The following RIPOR3 variants were observed in gnomAD, a reference collection of about 807,000 sequenced individuals.
RIPOR3 encodes RIPOR family member 3.
Under a neutral mutation model 114.3 loss-of-function variants are expected in RIPOR3, and 95 were observed. The ratio of observed to expected loss-of-function variants is 0.83; its 90% confidence interval spans 0.70 to 0.99. The LOEUF is 0.99. RIPOR3 is among the 50% of genes least tolerant of loss of function. RIPOR3 has a pLI of 0.00. For missense variants in RIPOR3, 1,252 were observed against 1,266.9 expected, an observed-to-expected ratio of 0.99 and a Z score of 0.18; for synonymous variants, 575 against 543.8, an observed-to-expected ratio of 1.06 and a Z score of -0.80.
At chr20:50,612,645 A>C (rs552458253) in intron 4 of RIPOR3, among the ~76,000 whole-genome samples, 1 of 152,362 alleles carries the variant, frequency 6.6e-6, no homozygotes, top group Admixed American at 6.5e-5. Flanking sequence ...AAATATGGAA[A>C]GATCAATAAA....
chr20:50,651,845 G>T lies in RIPOR3; in HGVS notation c.4-20989C>A, dbSNP rs7261508. Among the ~76,000 whole-genome samples, 5 of 152,364 alleles carry T rather than the reference G, an allele frequency of 3.3e-5. No homozygotes were observed. In the East Asian group the frequency reaches 5.8e-4, roughly 18 times the overall value. On this transcript the variant is annotated intron_variant, in intron 1 of 21. Coordinates refer to ENST00000327979, the MANE Select transcript of RIPOR3 (RefSeq NM_001290268.2). The stretch of plus-strand genomic sequence containing the variant: ...TGCACTGCCTACACACCAGAGAAGA[G>T]GGGGAGGAGCCCAGATCTGCTGCTC...
intron 12 of RIPOR3, among the ~76,000 whole-genome samples, chr20:50,603,252 T>C (rs1340601016): frequency 6.6e-6 from 1 of 152,194 alleles, no homozygotes; most frequent in Non-Finnish European, 1.5e-5. Context: ...TTGTTTTGTT[T>C]TGTTTTGAAA....
intron 11 of RIPOR3, among the ~76,000 whole-genome samples, chr20:50,606,863 G>C (rs567182506): frequency 6.6e-6 from 1 of 152,186 alleles, no homozygotes; most frequent in African/African-American, 2.4e-5. Context: ...CCAAGTAGCT[G>C]AAACTATAGG....
At chr20:50,659,097 A>G (rs899988578) in intron 1 of RIPOR3, among the ~76,000 whole-genome samples, 1 of 152,204 alleles carries the variant, frequency 6.6e-6, no homozygotes, top group Non-Finnish European at 1.5e-5. Flanking sequence ...ACGTGGATAC[A>G]TTGTTTTGAA....
intron 4 of RIPOR3, among the ~76,000 whole-genome samples, chr20:50,615,170 G>A (rs1345339925): frequency 1.4e-5 from 2 of 142,824 alleles, no homozygotes; most frequent in Non-Finnish European, 3.0e-5. Context: ...TCTGCTAAGG[G>A]AGAGGCAAAA....
chr20:50,691,241 C>T lies in RIPOR3; in HGVS notation c.-113G>A. 3 of 1,257,490 alleles carry T rather than the reference C, an allele frequency of 2.4e-6. No individual in the cohort carries two copies. Among genetic ancestry groups the T allele is most frequent in the Non-Finnish European group, 3.1e-6 (3 of 961,676 alleles). The allele number at this position is 1,257,490 out of a possible 1,614,324, so 77.9% of individuals were successfully genotyped here. A position where few individuals can be genotyped will look rare whatever the true frequency, so the allele number is the denominator to read the frequency against. On this transcript the variant is annotated 5_prime_UTR_variant, in exon 1 of 22. Coordinates refer to ENST00000327979, the MANE Select transcript of RIPOR3 (RefSeq NM_001290268.2). Reference sequence around the variant, plus strand: ...CCATCTGGCCCGGGACTCCCGGACTCGAGCTAGGGCTCTGCAAATTCCATC... The same window carrying T: ...CCATCTGGCCCGGGACTCCCGGACTTGAGCTAGGGCTCTGCAAATTCCATC...
chr20:50,690,100 T>C (rs2087157734), intron 1 of RIPOR3, among the ~76,000 whole-genome samples: 1 of 152,194 alleles, frequency 6.6e-6, no homozygotes, highest in Admixed American at 6.5e-5. Flanking sequence ...GCAAATAGCT[T>C]ACGATAATAT....
At position 50,603,125 on chromosome 20, in the gene RIPOR3, G is replaced by A. The variant is rs562997425; in HGVS notation, c.1087-481C>T. Among the ~76,000 whole-genome samples, 22 of 152,330 alleles carry A rather than the reference G, an allele frequency of 1.4e-4. 1 individual carries two copies. In the South Asian group the frequency reaches 4.6e-3, roughly 32 times the overall value. On this transcript the variant is annotated intron_variant, in intron 12 of 21. Coordinates refer to ENST00000327979, the MANE Select transcript of RIPOR3 (RefSeq NM_001290268.2). Reference sequence around the variant, plus strand: ...TCTCCCACAGTCCTTATGCCCCTGGGGCTGGCTGTGCACTTCTCGGATTTT... The same window carrying A: ...TCTCCCACAGTCCTTATGCCCCTGGAGCTGGCTGTGCACTTCTCGGATTTT...
intron 1 of RIPOR3, among the ~76,000 whole-genome samples, chr20:50,680,477 G>A (rs2086821340): frequency 6.6e-6 from 1 of 152,198 alleles, no homozygotes; most frequent in South Asian, 2.1e-4. Context: ...AGAACTAATT[G>A]GCAACAGAAA....
At chr20:50,641,202 C>T (rs889987338) in intron 1 of RIPOR3, among the ~76,000 whole-genome samples, 2 of 151,894 alleles carry the variant, frequency 1.3e-5, no homozygotes, top group Admixed American at 6.6e-5. Context: ...TGAGCCACCA[C>T]GTCCGGCTCA....
At position 50,593,864 on chromosome 20, in the gene RIPOR3, A is replaced by G. The variant is rs147237187; in HGVS notation, c.2213-668T>C. On this transcript the variant is annotated intron_variant, in intron 17 of 21. Transcript: ENST00000327979. ...AAAGGCAAATTCTGGGGAAGAACGC[A>G]GTCCAGCCAGCATTTCTAGATACCC... Among the ~76,000 whole-genome samples the G allele has an allele frequency of 4.1e-3, 625 of 152,144 alleles. 2 individuals carry two copies. The highest frequency in any genetic ancestry group is 0.013 in the African/African-American group (532 of 41,526).
chr20:50,684,932 C>T (rs891874387), intron 1 of RIPOR3, among the ~76,000 whole-genome samples: 1 of 152,202 alleles, frequency 6.6e-6, no homozygotes, highest in African/African-American at 2.4e-5. Context: ...CATGCAACCA[C>T]ACCCAGCTAA....
chr20:50,673,486 C>A (rs1360087262), intron 1 of RIPOR3, among the ~76,000 whole-genome samples: 1 of 152,154 alleles, frequency 6.6e-6, no homozygotes, highest in African/African-American at 2.4e-5. Flanking sequence ...TCAGGGGCCT[C>A]CAACCCACCC....
intron 2 of RIPOR3, chr20:50,621,163 A>G (rs1349236697): frequency 2.8e-6 from 1 of 353,264 alleles, no homozygotes; most frequent in African/African-American, 2.2e-5. Context: ...GGTATCAGAA[A>G]TGAACTTACA....
intron 1 of RIPOR3, among the ~76,000 whole-genome samples, chr20:50,648,374 G>A (rs1305845651): frequency 1.3e-5 from 2 of 151,856 alleles, no homozygotes; most frequent in African/African-American, 4.8e-5. Flanking sequence ...CTTCAAACAA[G>A]GGAAACTTAT....
chr20:50,662,806 G>A (rs1463988111), intron 1 of RIPOR3, among the ~76,000 whole-genome samples: 3 of 152,146 alleles, frequency 2.0e-5, no homozygotes, highest in African/African-American at 7.2e-5. Context: ...TAGACAAGAA[G>A]TTTTCAGGAC....
At chr20:50,638,325 C>A (rs2085062099) in intron 1 of RIPOR3, among the ~76,000 whole-genome samples, 1 of 152,234 alleles carries the variant, frequency 6.6e-6, no homozygotes, top group African/African-American at 2.4e-5. Context: ...CTCCTGACCG[C>A]AGAATAGTCA....
chr20:50,612,395 C>A lies in RIPOR3; in HGVS notation c.349-1191G>T, dbSNP rs369364873. Among the ~76,000 whole-genome samples, 6 of 152,002 alleles carry A rather than the reference C, an allele frequency of 3.9e-5. No homozygotes were observed. The East Asian group carries it at 5.8e-4, about 15-fold the overall frequency. On this transcript the variant is annotated intron_variant, in intron 4 of 21. Transcript: ENST00000327979. ...TTTTAAACAAGTGTTTAAAAAAACT[C>A]TTGTTTTTTAAGTGACTCTAATTTT...
intron 1 of RIPOR3, among the ~76,000 whole-genome samples, chr20:50,643,784 C>T (rs1435236407): frequency 6.7e-6 from 1 of 149,736 alleles, no homozygotes; most frequent in Non-Finnish European, 1.5e-5. Flanking sequence ...CGGCTCACTG[C>T]AAGCTCCGCC....
Sources: allele counts gnomAD v4.1 joint callset (sites outside exome capture counted in the v4.1 genomes callset), GRCh38; gene constraint gnomAD v4.1.1; transcripts MANE v1.5; gene names NCBI Gene and HGNC (gene_info 2026-07-23, HGNC 2026-07-21).